Variants in CDH18 observed in about 807,000 individuals in gnomAD.
CDH18 encodes the protein cadherin 18, also known as cadherin-18.
In CDH18, 31 loss-of-function variants were observed where a neutral mutation model predicts 67.9. The observed-to-expected ratio is 0.46, with a 90% CI of 0.34 to 0.62. The LOEUF is 0.62. Ranked by LOEUF, CDH18 falls within the 20% of genes least tolerant of loss-of-function variation. The pLI, the probability that CDH18 is intolerant of heterozygous loss-of-function variation, is 0.01. For missense variants in CDH18, 890 were observed against 975.5 expected (o/e 0.91, Z 1.17); for synonymous variants, 362 against 347.2 (o/e 1.04, Z -0.48).
chr5:20,363,075 G>A lies in CDH18; in HGVS notation c.-579-107570C>T, dbSNP rs531292861. Reference sequence around the variant, plus strand: ...TATTACTGCCATGGTTGAGGCCATCGTCCTCTCTAGCCTGGATTGTGTCCA... The same window carrying A: ...TATTACTGCCATGGTTGAGGCCATCATCCTCTCTAGCCTGGATTGTGTCCA... On this transcript the variant is annotated intron_variant, in intron 1 of 14. Transcript: ENST00000507958. Among the ~76,000 whole-genome samples the A allele has an allele frequency of 5.9e-5, 9 of 152,204 alleles. No individual in the cohort carries two copies. The South Asian group carries it at 1.5e-3, about 25-fold the overall frequency.
Position 19,520,693 on chromosome 5 carries a change from A to G in CDH18, c.1476T>C (p.Tyr492=). 1 of 1,613,370 alleles carries G rather than the reference A, an allele frequency of 6.2e-7. No homozygotes were observed. Among genetic ancestry groups the G allele is most frequent in the South Asian group, 1.1e-5 (1 of 91,002 alleles). The change falls in exon 10 of 13, where the codon TAT becomes TAC. Residue 492 remains tyrosine (Y), a synonymous_variant. Transcript: ENST00000382275. ...TAGAATTTTCACATACAATAATATC[A>G]TATTCCCTGGCAAGTTCGGGTGGAT... is the stretch of plus-strand genomic sequence containing the variant. The part of the protein sequence containing the change: ...NDNPPELARE[Y]DIIVCENSKP...
chr5:19,950,776 G>A (rs1353862324), intron 2 of CDH18, among the ~76,000 whole-genome samples: 1 of 152,036 alleles, frequency 6.6e-6, no homozygotes, highest in Admixed American at 6.6e-5. Context: ...GACATGTAAT[G>A]TTATGTTACA....
chr5:20,243,266 A>G (rs1202914214), intron 2 of CDH18, among the ~76,000 whole-genome samples: 1 of 152,160 alleles, frequency 6.6e-6, no homozygotes, highest in Non-Finnish European at 1.5e-5. Context: ...AATGTGTTAT[A>G]ACTTTGTAAA....
chr5:19,478,565 A>C (rs1330827569), intron 12 of CDH18: 1 of 152,202 alleles, frequency 6.6e-6, no homozygotes, highest in Non-Finnish European at 1.5e-5. Flanking sequence ...CACCAACTCC[A>C]TTCTGATCCT....
At chr5:20,187,502 T>C (rs6898731) in intron 2 of CDH18, among the ~76,000 whole-genome samples, 3,536 of 151,918 alleles carry the variant, frequency 0.023, 125 homozygotes, top group African/African-American at 0.08. Context: ...GCTCCAAATT[T>C]TACAATCTGT....
At chr5:19,721,869 T>C (rs1253801208) in intron 4 of CDH18, among the ~76,000 whole-genome samples, 1 of 152,230 alleles carries the variant, frequency 6.6e-6, no homozygotes. Context: ...ATGACTGTTC[T>C]GAAAACTGGA....
intron 2 of CDH18, among the ~76,000 whole-genome samples, chr5:20,197,255 G>A (rs569615787): frequency 6.6e-6 from 1 of 152,142 alleles, no homozygotes; most frequent in Admixed American, 6.5e-5. Context: ...CAGGCAATCT[G>A]CCTGCCTTGG....
chr5:19,666,900 G>C (rs1016875476), intron 5 of CDH18, among the ~76,000 whole-genome samples: 17 of 151,974 alleles, frequency 1.1e-4, no homozygotes, highest in Non-Finnish European at 1.6e-4. Context: ...TTGGATAATG[G>C]AGAAAAGATA....
intron 3 of CDH18, among the ~76,000 whole-genome samples, chr5:19,760,960 C>T (rs1241866748): frequency 6.6e-6 from 1 of 152,092 alleles, no homozygotes; most frequent in African/African-American, 2.4e-5. Flanking sequence ...GATGGGGAAG[C>T]TCTTCATTCT....
At chr5:19,568,410 C>A (rs1044153624) in intron 8 of CDH18, among the ~76,000 whole-genome samples, 1 of 152,074 alleles carries the variant, frequency 6.6e-6, no homozygotes, top group African/African-American at 2.4e-5. Context: ...TGTGAGAATA[C>A]GAGACGTTGG....
chr5:20,088,986 T>C (rs1276789822), intron 2 of CDH18, among the ~76,000 whole-genome samples: 1 of 152,132 alleles, frequency 6.6e-6, no homozygotes, highest in South Asian at 2.1e-4. Flanking sequence ...TTTTTTAATA[T>C]AACAGTATTT....
intron 1 of CDH18, among the ~76,000 whole-genome samples, chr5:20,403,311 G>A (rs1220179624): frequency 6.6e-6 from 1 of 152,038 alleles, no homozygotes; most frequent in Non-Finnish European, 1.5e-5. Context: ...TTCAGAGTGT[G>A]CATGTGCAGG....
At chr5:20,216,289 T>C (rs969529447) in intron 2 of CDH18, among the ~76,000 whole-genome samples, 1 of 151,934 alleles carries the variant, frequency 6.6e-6, no homozygotes, top group Non-Finnish European at 1.5e-5. Context: ...CCAAAAGACT[T>C]GCCCAATGCA....
chr5:20,245,493 C>A (rs1246978079), intron 2 of CDH18, among the ~76,000 whole-genome samples: 1 of 152,024 alleles, frequency 6.6e-6, no homozygotes, highest in African/African-American at 2.4e-5. Flanking sequence ...TGTGAATGCC[C>A]ACTTGATCTA....
intron 5 of CDH18, among the ~76,000 whole-genome samples, chr5:19,706,902 A>C (rs1561103139): frequency 6.6e-6 from 1 of 152,154 alleles, no homozygotes; most frequent in Non-Finnish European, 1.5e-5. Flanking sequence ...ATTGACTTTA[A>C]ATTTTTTGAG....
chr5:19,935,534 T>C (rs915827165), intron 2 of CDH18, among the ~76,000 whole-genome samples: 8 of 151,218 alleles, frequency 5.3e-5, no homozygotes, highest in African/African-American at 1.9e-4. Flanking sequence ...GTCTGTAGCC[T>C]AGGAGGAATA....
At chr5:20,053,153 G>T (rs1741582968) in intron 2 of CDH18, among the ~76,000 whole-genome samples, 1 of 151,510 alleles carries the variant, frequency 6.6e-6, no homozygotes, top group Non-Finnish European at 1.5e-5. Flanking sequence ...TTTTTACATT[G>T]TTAACACAAA....
At chr5:19,505,561 A>G (rs572449705) in intron 10 of CDH18, among the ~76,000 whole-genome samples, 2 of 151,594 alleles carry the variant, frequency 1.3e-5, no homozygotes, top group South Asian at 2.1e-4. Context: ...CCTTTTCAGC[A>G]TCTATTGATA....
At chr5:20,444,008 G>A (rs369932503) in intron 1 of CDH18, among the ~76,000 whole-genome samples, 2 of 151,840 alleles carry the variant, frequency 1.3e-5, no homozygotes, top group Non-Finnish European at 2.9e-5. Context: ...AATCTCTGTA[G>A]GCATCAATTT....
Sources: allele counts gnomAD v4.1 joint callset (sites outside exome capture counted in the v4.1 genomes callset), GRCh38; gene constraint gnomAD v4.1.1; transcripts MANE v1.5; gene names NCBI Gene and HGNC (gene_info 2026-07-23, HGNC 2026-07-21).